KAZN: variants seen among roughly 807,000 people sequenced by gnomAD.
KAZN encodes the protein kazrin, periplakin interacting protein.
In KAZN, 40 loss-of-function variants were observed where a neutral mutation model predicts 87.4. The ratio of observed to expected loss-of-function variants is 0.46; its 90% confidence interval spans 0.36 to 0.60. KAZN has a LOEUF of 0.60. KAZN is among the 20% of genes least tolerant of loss of function. The probability of loss-of-function intolerance (pLI) is 0.00; values close to 1 mark genes in which losing one functional copy is unlikely to be tolerated. For synonymous variants in KAZN, 466 were observed against 458.3 expected, an observed-to-expected ratio of 1.02 and a Z score of -0.22; for missense variants, 898 against 1,073.9, an observed-to-expected ratio of 0.84 and a Z score of 2.29.
At chr1:13,927,422 A>G (rs1640324582) in intron 1 of KAZN, among the ~76,000 whole-genome samples, 1 of 152,156 alleles carries the variant, frequency 6.6e-6, no homozygotes, top group South Asian at 2.1e-4. Context: ...GAGCAGGAGG[A>G]AGTATTTTTT....
At chr1:14,971,066 C>T in intron 2 of KAZN, among the ~76,000 whole-genome samples, 1 of 152,188 alleles carries the variant, frequency 6.6e-6, no homozygotes, top group Non-Finnish European at 1.5e-5. Flanking sequence ...GTGTTAGCCT[C>T]AGTTTCCCCA....
chr1:14,052,643 G>T (rs1642388311), intron 1 of KAZN, among the ~76,000 whole-genome samples: 1 of 152,194 alleles, frequency 6.6e-6, no homozygotes, highest in Non-Finnish European at 1.5e-5. Flanking sequence ...GAGAGGTTGG[G>T]ATGTGTAGGG....
At chr1:14,109,574 C>A (rs1238974572) in intron 1 of KAZN, among the ~76,000 whole-genome samples, 5 of 152,208 alleles carry the variant, frequency 3.3e-5, no homozygotes, top group Non-Finnish European at 7.3e-5. Context: ...AATGTCCTTT[C>A]TGCTATGTCA....
At chr1:14,345,587 C>T (rs972377197) in intron 2 of KAZN, among the ~76,000 whole-genome samples, 2 of 152,128 alleles carry the variant, frequency 1.3e-5, no homozygotes, top group African/African-American at 4.8e-5. Flanking sequence ...TTTTAGAATT[C>T]CAGCTCAGTG....
intron 2 of KAZN, among the ~76,000 whole-genome samples, chr1:14,388,231 A>G (rs1361309794): frequency 6.6e-6 from 1 of 152,164 alleles, no homozygotes; most frequent in Non-Finnish European, 1.5e-5. Context: ...CCCTAGTGAG[A>G]TGAACCCGGT....
rs531207279 is a variant in KAZN at position 15,116,339 on chromosome 1, C to T, written c.*1704C>T. 2.0e-5 allele frequency: 3 copies of T among 152,288 alleles called. No homozygotes were observed. In the East Asian group the frequency reaches 5.8e-4, roughly 29 times the overall value. 9.4% of individuals were successfully genotyped at this position (152,288 alleles called of 1,614,324 possible). A position where few individuals can be genotyped will look rare whatever the true frequency, so the allele number is the denominator to read the frequency against. On this transcript the variant is annotated 3_prime_UTR_variant, in exon 15 of 15. Coordinates refer to ENST00000376030, the MANE Select transcript of KAZN (RefSeq NM_201628.3). ...CGAGCTCTGATGAACTTGAGAATTA[C>T]ACCTCTCTCATGCCGAAGACCGTGG...
In KAZN at chr1:14,733,233, G is replaced by A. The variant is rs534646817; in HGVS notation, c.226+134010G>A. Among the ~76,000 whole-genome samples, 59 of 152,194 alleles carry A rather than the reference G, an allele frequency of 3.9e-4. 1 individual carries two copies. In the South Asian group the frequency reaches 0.012, roughly 30 times the overall value. ...CAGTCTGAGTGATTGCAGAATTCTC[G>A]CATGTTCCCGGCAGCCTGTGCTTGG... On this transcript the variant is annotated intron_variant, in intron 1 of 14. Coordinates refer to ENST00000376030, the MANE Select transcript of KAZN (RefSeq NM_201628.3).
intron 1 of KAZN, among the ~76,000 whole-genome samples, chr1:14,828,426 AT>A (rs2100863311): frequency 6.6e-6 from 1 of 152,316 alleles, no homozygotes; most frequent in East Asian, 1.9e-4. Context: ...TTATCGATCA[AT>A]TGGATGAAAT....
At chr1:14,705,941 GAGTGGCAGGTGGGCA>G (rs530680165) in intron 1 of KAZN, among the ~76,000 whole-genome samples, 2 of 152,314 alleles carry the variant, frequency 1.3e-5, no homozygotes, top group East Asian at 3.9e-4. Flanking sequence ...AGCAGGAGGT[GAGTGGCAGGTGGGCA>G]AGTGAATGAA....
intron 1 of KAZN, among the ~76,000 whole-genome samples, chr1:13,970,335 T>C (rs1164694753): frequency 2.0e-5 from 3 of 152,158 alleles, no homozygotes; most frequent in Non-Finnish European, 2.9e-5. Context: ...CTAAGAACGG[T>C]GCTGAGCCCA....
intron 2 of KAZN, among the ~76,000 whole-genome samples, chr1:14,425,099 G>C (rs548642285): frequency 1.1e-4 from 17 of 152,212 alleles, no homozygotes; most frequent in Non-Finnish European, 1.9e-4. Flanking sequence ...GCAGAGAGGA[G>C]GTTGGGAGGG....
In KAZN at chr1:15,094,016, G is replaced by A. The variant is rs1185814487; in HGVS notation, c.1223-164G>A. Among the ~76,000 whole-genome samples, 1 of 152,192 alleles carries A rather than the reference G, an allele frequency of 6.6e-6. No individual in the cohort carries two copies. Among genetic ancestry groups the A allele is most frequent in the African/African-American group, 2.4e-5 (1 of 41,438 alleles). On this transcript the variant is annotated intron_variant, in intron 8 of 14. Coordinates refer to ENST00000376030, the MANE Select transcript of KAZN (RefSeq NM_201628.3). The surrounding 1 kb of genome is among the most constrained non-coding windows in gnomAD (Gnocchi z 4.5). ...TTCATAGATTACTTTTGTAATGGGG[G>A]CAAGGGCAGAAAAACAAAAACGCCA...
intron 2 of KAZN, among the ~76,000 whole-genome samples, chr1:14,459,408 G>A (rs1476381289): frequency 6.6e-6 from 1 of 151,332 alleles, no homozygotes; most frequent in African/African-American, 2.4e-5. Flanking sequence ...TGTGGCCAAG[G>A]GGAAAAAAAA....
At chr1:14,930,197 C>T (rs1352436433) in intron 1 of KAZN, among the ~76,000 whole-genome samples, 1 of 152,148 alleles carries the variant, frequency 6.6e-6, no homozygotes, top group Admixed American at 6.5e-5. Flanking sequence ...CCACCTGGCA[C>T]CAGGTGGGTA....
intron 4 of KAZN, among the ~76,000 whole-genome samples, chr1:15,049,210 G>T (rs1209475601): frequency 1.3e-5 from 2 of 152,174 alleles, no homozygotes; most frequent in African/African-American, 4.8e-5. Flanking sequence ...CACATGTGGG[G>T]CTGGGAGACA....
intron 1 of KAZN, among the ~76,000 whole-genome samples, chr1:14,134,625 C>G (rs777501078): frequency 6.6e-6 from 1 of 152,170 alleles, no homozygotes; most frequent in Non-Finnish European, 1.5e-5. Context: ...AAACATCATA[C>G]AGCTACTAAA....
At chr1:15,045,685 G>A (rs1365691951) in intron 4 of KAZN, among the ~76,000 whole-genome samples, 3 of 152,182 alleles carry the variant, frequency 2.0e-5, no homozygotes, top group Non-Finnish European at 4.4e-5. Flanking sequence ...TCACAGTTCC[G>A]AATGGCTGGG....
intron 2 of KAZN, among the ~76,000 whole-genome samples, chr1:14,181,649 C>T (rs1050430063): frequency 6.6e-6 from 1 of 152,112 alleles, no homozygotes; most frequent in African/African-American, 2.4e-5. Context: ...ATTCACGGTT[C>T]TCCTGCTCTC....
At chr1:14,818,037 C>A (rs1646625293) in intron 1 of KAZN, among the ~76,000 whole-genome samples, 1 of 152,226 alleles carries the variant, frequency 6.6e-6, no homozygotes, top group South Asian at 2.1e-4. Flanking sequence ...CCATGCTGGC[C>A]ATCCCTGCTT....
Sources: gnomAD v4.1 joint callset for allele counts (sites outside exome capture counted in the v4.1 genomes callset) on GRCh38, gnomAD v4.1.1 for gene constraint, Gnocchi (gnomAD v3.1) non-coding constraint, MANE v1.5 for transcripts, NCBI Gene and HGNC (gene_info 2026-07-23, HGNC 2026-07-21) for gene names.